Variants in CDC40 observed in about 807,000 individuals in gnomAD.
CDC40 encodes the protein pre-mRNA-processing factor 17.
Under a neutral mutation model 80.6 loss-of-function variants are expected in CDC40, and 27 were observed. The observed-to-expected ratio is 0.33, with a 90% CI of 0.25 to 0.46. The LOEUF is 0.46. Ranked by LOEUF, CDC40 falls within the 20% of genes least tolerant of loss-of-function variation. The pLI is 1.00. For synonymous variants in CDC40, 221 were observed against 232.6 expected (o/e 0.95, Z 0.45); for missense variants, 486 against 694.1 (o/e 0.70, Z 3.37).
intron 2 of CDC40, among the ~76,000 whole-genome samples, chr6:110,195,247 A>C (rs760021333): frequency 2.0e-5 from 3 of 152,202 alleles, no homozygotes; most frequent in Non-Finnish European, 4.4e-5. Context: ...CCATTGTTAG[A>C]AACAAGATAT....
In CDC40 at chr6:110,205,225, A is replaced by G. The variant is rs116078352; in HGVS notation, c.407-2281A>G. On this transcript the variant is annotated intron_variant, in intron 3 of 14. Transcript: ENST00000307731. ...AAAATCAATATTATGGCCATTTCAA[A>G]TAAGACTGCCGAAGGGAAGAAAGTA... Among the ~76,000 whole-genome samples, 884 of 152,300 alleles carry G rather than the reference A, an allele frequency of 5.8e-3. 7 individuals carry two copies. Among genetic ancestry groups the G allele is most frequent in the African/African-American group, 0.02 (850 of 41,566 alleles).
At chr6:110,183,664 T>C (rs1777229042) in intron 1 of CDC40, among the ~76,000 whole-genome samples, 1 of 152,186 alleles carries the variant, frequency 6.6e-6, no homozygotes, top group Non-Finnish European at 1.5e-5. Context: ...AATTGGAAAA[T>C]GACCAAGGGA....
chr6:110,198,220 C>T (rs1396071994), intron 2 of CDC40, among the ~76,000 whole-genome samples: 1 of 151,256 alleles, frequency 6.6e-6, no homozygotes, highest in African/African-American at 2.4e-5. Flanking sequence ...CTCTGTCACC[C>T]AGGCTGAAGT....
chr6:110,215,199 C>G, intron 8 of CDC40, 87 bp from the exon 9 acceptor site: 1 of 994,622 alleles, frequency 1.0e-6, no homozygotes, highest in Non-Finnish European at 1.6e-6. Flanking sequence ...GATGTGCACA[C>G]ACATAACCAG....
chr6:110,193,854 A>G (rs1777384316), intron 2 of CDC40, among the ~76,000 whole-genome samples: 1 of 152,376 alleles, frequency 6.6e-6, no homozygotes, highest in East Asian at 1.9e-4. Context: ...ATTCTTAAAT[A>G]TGAACTTAGT....
chr6:110,216,321 C>T (rs947533090), intron 9 of CDC40, among the ~76,000 whole-genome samples: 3 of 152,158 alleles, frequency 2.0e-5, no homozygotes, highest in African/African-American at 4.8e-5. Context: ...CGGTGTGACT[C>T]GTAGTGGCTC....
chr6:110,201,784 C>A, intron 3 of CDC40, 97 bp downstream of exon 3: 1 of 983,242 alleles, frequency 1.0e-6, no homozygotes, highest in Non-Finnish European at 1.5e-6. Flanking sequence ...TTAAAATTCA[C>A]TGGATTCCTT....
At chr6:110,201,468 TAC>T in intron 2 of CDC40, 88 bp from the exon 3 acceptor site, 3 of 981,484 alleles carry the variant, frequency 3.1e-6, no homozygotes, top group Non-Finnish European at 4.4e-6. Flanking sequence ...CCTTTTTTTG[TAC>T]AGTTATTCCA....
chr6:110,196,842 A>ATAAT (rs145972659), intron 2 of CDC40, among the ~76,000 whole-genome samples: 35,088 of 151,876 alleles, frequency 0.23, 6,159 homozygotes, highest in African/African-American at 0.49. Flanking sequence ...TTTGCAGGAA[A>ATAAT]TAACAGACTC....
At chr6:110,227,591 T>G (rs1211045866) in intron 13 of CDC40, among the ~76,000 whole-genome samples, 2 of 152,222 alleles carry the variant, frequency 1.3e-5, no homozygotes, top group African/African-American at 4.8e-5. Context: ...AAGTAATGTT[T>G]ACATGTACAG....
At chr6:110,224,724 G>A (rs533111492) in intron 12 of CDC40, among the ~76,000 whole-genome samples, 5 of 152,204 alleles carry the variant, frequency 3.3e-5, no homozygotes, top group Admixed American at 1.3e-4. Flanking sequence ...TGCCTAGCAG[G>A]CATTTTTGCT....
At chr6:110,209,560 T>C (rs1385894958) in intron 5 of CDC40, among the ~76,000 whole-genome samples, 1 of 152,210 alleles carries the variant, frequency 6.6e-6, no homozygotes, top group Non-Finnish European at 1.5e-5. Flanking sequence ...ATCAGCCTTC[T>C]GTGACACTAG....
chr6:110,198,723 T>TA (rs1482148371), intron 2 of CDC40, among the ~76,000 whole-genome samples: 1 of 152,234 alleles, frequency 6.6e-6, no homozygotes, highest in East Asian at 1.9e-4. Context: ...AATTGTTAAA[T>TA]ACGCATATGA....
intron 1 of CDC40, among the ~76,000 whole-genome samples, chr6:110,191,453 G>A (rs1051382641): frequency 7.2e-5 from 11 of 152,190 alleles, no homozygotes; most frequent in African/African-American, 2.7e-4. Context: ...ACATTTGTGT[G>A]TGCAAAATCC....
At chr6:110,211,961 T>C (rs915001951) in intron 6 of CDC40, 172 bp from the exon 7 acceptor site, 7 of 576,678 alleles carry the variant, frequency 1.2e-5, no homozygotes, top group Non-Finnish European at 2.1e-5. Flanking sequence ...ATAGCAGTTA[T>C]TTTAAGCACT....
intron 1 of CDC40, among the ~76,000 whole-genome samples, chr6:110,182,423 A>G (rs1777210460): frequency 1.3e-5 from 2 of 152,060 alleles, no homozygotes; most frequent in African/African-American, 2.4e-5. Context: ...TCGAAAAATT[A>G]TTTTCTTTCC....
intron 9 of CDC40, among the ~76,000 whole-genome samples, chr6:110,215,947 A>G (rs990708806): frequency 6.6e-6 from 1 of 152,218 alleles, no homozygotes; most frequent in Non-Finnish European, 1.5e-5. Context: ...TCACAGTGAG[A>G]CAGGAATCTA....
At chr6:110,219,336 C>A in intron 10 of CDC40, 28 bp from the exon 11 acceptor site, 2 of 995,818 alleles carry the variant, frequency 2.0e-6, no homozygotes, top group Admixed American at 2.0e-5. Context: ...ATTTATTTTA[C>A]CTATTTAATT....
intron 1 of CDC40, 29 bp downstream of exon 1, chr6:110,180,662 G>A (rs748152730): frequency 1.2e-5 from 19 of 1,546,008 alleles, no homozygotes; most frequent in Non-Finnish European, 1.6e-5. Context: ...AATGCAGTGT[G>A]GGAATTGTTG....
Sources: allele counts gnomAD v4.1 joint callset (sites outside exome capture counted in the v4.1 genomes callset), GRCh38; gene constraint gnomAD v4.1.1; transcripts MANE v1.5; gene names NCBI Gene and HGNC (gene_info 2026-07-23, HGNC 2026-07-21).